EDIL3: variants seen among roughly 807,000 people sequenced by gnomAD.
EDIL3 encodes the protein EGF-like repeat and discoidin I-like domain-containing protein 3.
A neutral mutation model predicts 67.4 loss-of-function variants in EDIL3; 37 were observed. The ratio of observed to expected loss-of-function variants is 0.55; its 90% CI spans 0.42 to 0.72. The LOEUF (loss-of-function observed/expected upper bound fraction) is 0.72. Ranked by LOEUF, EDIL3 falls within the 30% of genes least tolerant of loss-of-function variation. The probability of loss-of-function intolerance (pLI) is 0.00; values close to 1 mark genes in which losing one functional copy is unlikely to be tolerated. For synonymous variants in EDIL3, 195 were observed against 196.3 expected (o/e 0.99, Z 0.05); for missense variants, 527 against 586.3 (o/e 0.90, Z 1.04).
At chr5:84,311,797 A>G (rs1172581292) in intron 1 of EDIL3, among the ~76,000 whole-genome samples, 1 of 152,126 alleles carries the variant, frequency 6.6e-6, no homozygotes, top group African/African-American at 2.4e-5. Context: ...TCTGTTTAAC[A>G]AAGCACATCT....
intron 1 of EDIL3, among the ~76,000 whole-genome samples, chr5:84,312,310 C>G (rs558906952): frequency 1.5e-5 from 2 of 135,202 alleles, no homozygotes; most frequent in Non-Finnish European, 3.1e-5. Flanking sequence ...CCCTCCCCGA[C>G]GGGGCGGCTG....
chr5:84,030,773 T>C (rs1561408710), intron 9 of EDIL3, among the ~76,000 whole-genome samples: 1 of 152,102 alleles, frequency 6.6e-6, no homozygotes, highest in African/African-American at 2.4e-5. Flanking sequence ...ACTGCCTTCC[T>C]CTCAACTTCT....
chr5:84,278,510 C>G (rs953304900), intron 1 of EDIL3, among the ~76,000 whole-genome samples: 1 of 152,056 alleles, frequency 6.6e-6, no homozygotes. Flanking sequence ...TTCATTCTTG[C>G]AACACAAATC....
At chr5:84,181,208 G>A (rs1749006485) in intron 3 of EDIL3, 1 of 152,232 alleles carries the variant, frequency 6.6e-6, no homozygotes, top group Admixed American at 6.5e-5. Flanking sequence ...AGTAACAGCA[G>A]ATTATTTAGT....
intron 8 of EDIL3, among the ~76,000 whole-genome samples, chr5:84,062,264 G>A (rs950021456): frequency 7.9e-5 from 12 of 152,024 alleles, no homozygotes; most frequent in Non-Finnish European, 1.2e-4. Flanking sequence ...TTTCATAGTG[G>A]CATGCATTGT....
At chr5:84,217,839 TC>T in intron 3 of EDIL3, among the ~76,000 whole-genome samples, 1 of 152,052 alleles carries the variant, frequency 6.6e-6, no homozygotes. Flanking sequence ...TAAATCAGTT[TC>T]CATTTATATA....
At chr5:84,112,768 A>G (rs1442586971) in intron 5 of EDIL3, among the ~76,000 whole-genome samples, 1 of 152,200 alleles carries the variant, frequency 6.6e-6, no homozygotes, top group Non-Finnish European at 1.5e-5. Context: ...GTAGGCAAAG[A>G]TTATATTCCT....
At chr5:84,384,205 A>T in intron 1 of EDIL3, 103 bp downstream of exon 1, 1 of 1,419,874 alleles carries the variant, frequency 7.0e-7, no homozygotes, top group East Asian at 2.4e-5. Context: ...GGCGCTCGCC[A>T]CCCTTGGCAC....
chr5:84,003,094 G>A (rs548440249), intron 9 of EDIL3, among the ~76,000 whole-genome samples: 78 of 152,280 alleles, frequency 5.1e-4, no homozygotes, highest in Non-Finnish European at 9.1e-4. Flanking sequence ...AAGCCCAAAT[G>A]TTTTATTTGC....
chr5:84,323,949 C>G (rs1746698728), intron 1 of EDIL3, among the ~76,000 whole-genome samples: 2 of 151,760 alleles, frequency 1.3e-5, no homozygotes, highest in African/African-American at 2.4e-5. Flanking sequence ...GAAAAATAGA[C>G]AGTTCTACAA....
At chr5:84,030,965 T>A (rs1745910438) in intron 9 of EDIL3, among the ~76,000 whole-genome samples, 1 of 152,174 alleles carries the variant, frequency 6.6e-6, no homozygotes, top group Non-Finnish European at 1.5e-5. Context: ...AGGCTGGTAG[T>A]CCAAGATCAA....
chr5:84,340,589 T>C (rs994766721), intron 1 of EDIL3, among the ~76,000 whole-genome samples: 1 of 146,496 alleles, frequency 6.8e-6, no homozygotes, highest in Admixed American at 6.9e-5. Flanking sequence ...TACATATATA[T>C]ATGTATGTAT....
intron 9 of EDIL3, among the ~76,000 whole-genome samples, chr5:84,030,521 T>A (rs1580288469): frequency 6.6e-6 from 1 of 152,298 alleles, no homozygotes; most frequent in East Asian, 1.9e-4. Context: ...CACAAGAACA[T>A]GTATACTGAA....
At chr5:84,377,936 T>A (rs1748000523) in intron 1 of EDIL3, among the ~76,000 whole-genome samples, 1 of 152,222 alleles carries the variant, frequency 6.6e-6, no homozygotes, top group East Asian at 1.9e-4. Context: ...ATCTGAACAA[T>A]TCCTACACAG....
At chr5:84,089,247 C>T (rs1747123237) in intron 6 of EDIL3, among the ~76,000 whole-genome samples, 11 of 152,194 alleles carry the variant, frequency 7.2e-5, no homozygotes, top group Admixed American at 7.2e-4. Flanking sequence ...AATCCACTTC[C>T]ACTCTCTATC....
At chr5:84,045,532 T>A (rs2112218478) in intron 9 of EDIL3, among the ~76,000 whole-genome samples, 1 of 152,308 alleles carries the variant, frequency 6.6e-6, no homozygotes, top group East Asian at 1.9e-4. Context: ...AATGTACATC[T>A]ATTTTTTAAA....
At chr5:84,067,853 C>A (rs1440659066) in intron 6 of EDIL3, among the ~76,000 whole-genome samples, 1 of 152,184 alleles carries the variant, frequency 6.6e-6, no homozygotes, top group Non-Finnish European at 1.5e-5. Flanking sequence ...TTGATGAGTA[C>A]AATTTTTTGT....
chr5:84,377,844 C>T (rs305657), intron 1 of EDIL3, among the ~76,000 whole-genome samples: 1,657 of 152,304 alleles, frequency 0.011, 35 homozygotes, highest in African/African-American at 0.038. Flanking sequence ...GTAACAACCA[C>T]ATTCAAAAGT....
intron 1 of EDIL3, among the ~76,000 whole-genome samples, chr5:84,326,529 T>C (rs1746760044): frequency 6.6e-6 from 1 of 152,112 alleles, no homozygotes; most frequent in Admixed American, 6.6e-5. Context: ...ATGGTTAGGA[T>C]GGTAATTTTT....
Sources: allele counts gnomAD v4.1 joint callset (sites outside exome capture counted in the v4.1 genomes callset), GRCh38; gene constraint gnomAD v4.1.1; transcripts MANE v1.5; gene names NCBI Gene and HGNC (gene_info 2026-07-23, HGNC 2026-07-21).